The following SEC24A variants were observed in gnomAD, a reference collection of about 807,000 sequenced individuals.
SEC24A encodes protein transport protein Sec24A.
SEC24A carries 93 observed loss-of-function variants against 129.4 expected under a neutral mutation model. The ratio of observed to expected loss-of-function variants is 0.72; its 90% CI spans 0.61 to 0.85. The LOEUF is 0.85. Among genes scored for constraint, SEC24A ranks in the 40% least tolerant of loss-of-function variants. The pLI is 0.00. For synonymous variants in SEC24A, 460 were observed against 467.3 expected, an observed-to-expected ratio of 0.98 and a Z score of 0.20; for missense variants, 1,264 against 1,307.4, an observed-to-expected ratio of 0.97 and a Z score of 0.51.
chr5:134,671,903 GTT>G lies in SEC24A; in HGVS notation c.817+26_817+27del. The stretch of plus-strand genomic sequence containing the variant: ...GCTTATTGGGTGAGATGCTATGAAA[GTT>G]TTTTTTTTAATCTCTTTTTTCTGAT... On this transcript the variant is annotated intron_variant, in intron 4 of 22. Transcript: ENST00000398844. 4.9e-6 allele frequency: 7 copies of G among 1,422,396 alleles called. No homozygotes were observed. Among genetic ancestry groups the G allele is most frequent in the Admixed American group, 1.9e-5 (1 of 51,300 alleles). 88.1% of individuals were successfully genotyped at this position (1,422,396 alleles called of 1,614,324 possible).
chr5:134,724,309 C>T (rs985740592), intron 22 of SEC24A, among the ~76,000 whole-genome samples: 2 of 152,174 alleles, frequency 1.3e-5, no homozygotes, highest in African/African-American at 4.8e-5. Flanking sequence ...GCTGAAGTCG[C>T]CGGGCGCGGT....
At chr5:134,690,483 T>A (rs1751605442) in intron 11 of SEC24A, among the ~76,000 whole-genome samples, 1 of 152,188 alleles carries the variant, frequency 6.6e-6, no homozygotes, top group Non-Finnish European at 1.5e-5. Flanking sequence ...CCAGCTAATT[T>A]TTAAAATTTC....
intron 1 of SEC24A, among the ~76,000 whole-genome samples, chr5:134,655,847 C>CT (rs1278138405): frequency 1.3e-5 from 2 of 151,482 alleles, no homozygotes; most frequent in Admixed American, 6.6e-5. Context: ...GGTTTTCTTT[C>CT]TTTTTTTTGG....
In SEC24A at chr5:134,661,498, A is replaced by G. The variant is rs1342597248; in HGVS notation, c.477A>G (p.Pro159=). 6.2e-7 allele frequency: 1 copy of G among 1,614,116 alleles called. No homozygotes were observed. The highest frequency in any genetic ancestry group is 8.5e-7 in the Non-Finnish European group (1 of 1,180,010). The change falls in exon 2 of 23, where the codon CCA becomes CCG. Residue 159 remains proline, a synonymous_variant. Coordinates refer to ENST00000398844, the MANE Select transcript of SEC24A (RefSeq NM_021982.3). ...ATTGTCCTCGTGCATCATCCCAACC[A>G]ACTGTATCTGGAAATACAAGTTTAA... is the stretch of plus-strand genomic sequence containing the variant. ...TNHCPRASSQ[P]TVSGNTSLTT... is the part of the protein sequence containing the mutation.
intron 14 of SEC24A, 65 bp from the exon 15 acceptor site, chr5:134,697,834 T>C (rs776303074): frequency 3.8e-5 from 55 of 1,444,238 alleles, no homozygotes; most frequent in Non-Finnish European, 4.9e-5. Flanking sequence ...CCAATGTCTT[T>C]AGTTACTTTG....
At chr5:134,692,983 C>T (rs1426238442) in intron 12 of SEC24A, 5 of 1,452,634 alleles carry the variant, frequency 3.4e-6, no homozygotes, top group Non-Finnish European at 4.7e-6. Flanking sequence ...TACATAGAAG[C>T]ACATTAGGTA....
At chr5:134,666,576 AAAAGAAAG>A (rs201410319) in intron 2 of SEC24A, among the ~76,000 whole-genome samples, 1 of 148,692 alleles carries the variant, frequency 6.7e-6, no homozygotes, top group South Asian at 2.2e-4. Context: ...CAGGCAGGAG[AAAAGAAAG>A]AAAGAAAGAA....
chr5:134,664,780 A>ATTTTTC (rs1171588816), intron 2 of SEC24A, among the ~76,000 whole-genome samples: 3 of 120,570 alleles, frequency 2.5e-5, no homozygotes, highest in Admixed American at 1.8e-4. Flanking sequence ...GTAATAGGCA[A>ATTTTTC]TTTTTCTTTT....
At chr5:134,686,710 G>A (rs1751463806) in intron 9 of SEC24A, 80 bp from the exon 10 acceptor site, 3 of 700,642 alleles carry the variant, frequency 4.3e-6, no homozygotes, top group Non-Finnish European at 7.2e-6. Flanking sequence ...TTTTTAAATT[G>A]TTTTGCTGTA....
At position 134,661,280 on chromosome 5, in the gene SEC24A, A is replaced by T; in HGVS notation, c.259A>T (p.Asn87Tyr). ...GGSQGSGQTL[N>Y]RPPVASNPVT... Reference sequence around the variant, plus strand: ...TTCTCAGGGATCTGGGCAGACTCTTAATAGACCACCTGTGGCCTCTAATCC... The same window carrying T: ...TTCTCAGGGATCTGGGCAGACTCTTTATAGACCACCTGTGGCCTCTAATCC... Residue 87 changes from asparagine to tyrosine, a missense_variant, in exon 2 of 23, where the codon AAT (asparagine) becomes TAT (tyrosine). Asn to Tyr is a moderately radical substitution (Grantham distance 143). Transcript: ENST00000398844. 1.2e-6 allele frequency: 2 copies of T among 1,614,182 alleles called. No individual in the cohort carries two copies. The highest frequency in any genetic ancestry group is 1.7e-6 in the Non-Finnish European group (2 of 1,180,044).
chr5:134,700,953 C>T (rs1352895052), intron 15 of SEC24A, among the ~76,000 whole-genome samples: 3 of 151,736 alleles, frequency 2.0e-5, no homozygotes, highest in Admixed American at 1.3e-4. Flanking sequence ...CTCCTGACCT[C>T]GTGATCCATC....
chr5:134,698,776 G>A (rs1040895324), intron 15 of SEC24A, among the ~76,000 whole-genome samples: 7 of 151,650 alleles, frequency 4.6e-5, no homozygotes, highest in Non-Finnish European at 1.0e-4. Context: ...GGGATTATAG[G>A]TGCGTGCCAC....
chr5:134,661,096 A>G, intron 1 of SEC24A, 23 bp from the exon 2 acceptor site: 1 of 1,529,426 alleles, frequency 6.5e-7, no homozygotes, highest in Non-Finnish European at 8.8e-7. Context: ...GGTAAGACTA[A>G]TTTTTCCTCC....
chr5:134,666,535 C>T lies in SEC24A; in HGVS notation c.566-288C>T, dbSNP rs543835741. On this transcript the variant is annotated intron_variant, in intron 2 of 22. Transcript: ENST00000398844. Reference sequence around the variant, plus strand: ...TAGCGCTATCGCATTCCAGCCTGGGCGACAAGAAAGAAAACAGGAAAGCAG... The same window carrying T: ...TAGCGCTATCGCATTCCAGCCTGGGTGACAAGAAAGAAAACAGGAAAGCAG... 6.9e-5 allele frequency among the ~76,000 whole-genome samples: 10 copies of T among 145,938 alleles called. No homozygotes were observed. The East Asian group carries it at 1.6e-3, about 24-fold the overall frequency.
At chr5:134,708,934 T>C (rs757201657) in intron 18 of SEC24A, 46 bp downstream of exon 18, 20 of 1,564,152 alleles carry the variant, frequency 1.3e-5, no homozygotes, top group Non-Finnish European at 1.6e-5. Context: ...GGCCAGGCAC[T>C]GTGGCCTACA....
chr5:134,658,897 T>C (rs1012514343), intron 1 of SEC24A, among the ~76,000 whole-genome samples: 28 of 152,290 alleles, frequency 1.8e-4, no homozygotes, highest in African/African-American at 6.5e-4. Flanking sequence ...TGGTTGCCCC[T>C]GGGAAGTAGA....
chr5:134,682,311 A>G, intron 8 of SEC24A, 62 bp from the exon 9 acceptor site: 1 of 841,518 alleles, frequency 1.2e-6, no homozygotes, highest in Non-Finnish European at 1.9e-6. Flanking sequence ...AAAGTGGCCA[A>G]ATGCAAAATA....
chr5:134,688,425 T>C (rs1751522198), intron 11 of SEC24A, 126 bp downstream of exon 11: 2 of 647,338 alleles, frequency 3.1e-6, no homozygotes, highest in Non-Finnish European at 2.7e-6. Flanking sequence ...ATCATGATTG[T>C]TGGAGTTGTA....
At chr5:134,689,893 C>G (rs950469415) in intron 11 of SEC24A, among the ~76,000 whole-genome samples, 1 of 151,484 alleles carries the variant, frequency 6.6e-6, no homozygotes, top group South Asian at 2.1e-4. Flanking sequence ...AGACACAAAC[C>G]GACAAATATT....
Sources: allele counts gnomAD v4.1 joint callset (sites outside exome capture counted in the v4.1 genomes callset), GRCh38; gene constraint gnomAD v4.1.1; transcripts MANE v1.5; gene names NCBI Gene and HGNC (gene_info 2026-07-23, HGNC 2026-07-21).